GPR162: variants seen among roughly 807,000 people sequenced by gnomAD.
The protein encoded by GPR162 is G protein-coupled receptor 162.
In GPR162, 26 loss-of-function variants were observed where a neutral mutation model predicts 44.9. The observed-to-expected ratio is 0.58, with a 90% confidence interval of 0.42 to 0.80. The LOEUF is 0.80. Among genes scored for constraint, GPR162 ranks in the 30% least tolerant of loss-of-function variants. The probability of loss-of-function intolerance (pLI) is 0.00; values close to 1 mark genes in which losing one functional copy is unlikely to be tolerated. For synonymous variants in GPR162, 363 were observed against 335.2 expected (o/e 1.08, Z -0.91); for missense variants, 704 against 802.3 (o/e 0.88, Z 1.48).
Position 6,824,570 on chromosome 12 carries a change from G to GGGGGGGGGC in GPR162, c.672_673insGGGGGGGGC (p.Gly222_Gly224dup). ...CCCGGAGAGTGGGGGGTGGTGGGGG[G>GGGGGGGGGC]ACCAAAGCGGGTGGGCCAGGGGCCT... On this transcript the variant is annotated inframe_insertion, in exon 2 of 5. Coordinates refer to ENST00000311268, the MANE Select transcript of GPR162 (RefSeq NM_019858.2). 3.7e-6 allele frequency: 5 copies of GGGGGGGGGC among 1,337,658 alleles called. No individual in the cohort carries two copies. Among genetic ancestry groups the GGGGGGGGGC allele is most frequent in the Non-Finnish European group, 5.3e-6 (5 of 951,232 alleles). 82.9% of individuals were successfully genotyped at this position (1,337,658 alleles called of 1,614,324 possible). A position where few individuals can be genotyped will look rare whatever the true frequency, so the allele number is the denominator to read the frequency against.
chr12:6,823,683 G>A lies in GPR162; in HGVS notation c.-216G>A. 7.4e-7 allele frequency: 1 copy of A among 1,355,582 alleles called. No homozygotes were observed. The highest frequency in any genetic ancestry group is 1.0e-6 in the Non-Finnish European group (1 of 963,692). 84.0% of individuals were successfully genotyped at this position (1,355,582 alleles called of 1,614,324 possible). A position where few individuals can be genotyped will look rare whatever the true frequency, so the allele number is the denominator to read the frequency against. The stretch of plus-strand genomic sequence containing the variant: ...CCGCCCAGTATGAAAGCTGAGGATT[G>A]CCTCTGCTGACCCTCAGTCTCCTCC... On this transcript the variant is annotated 5_prime_UTR_variant, in exon 2 of 5. Coordinates refer to ENST00000311268, the MANE Select transcript of GPR162 (RefSeq NM_019858.2).
chr12:6,826,207 G>C lies in GPR162; in HGVS notation c.1069G>C (p.Asp357His). Residue 357 changes from aspartate to histidine, a missense_variant, in exon 4 of 5, where the codon GAC becomes CAC. Physicochemically the swap from Asp to His is moderately conservative, Grantham distance 81. Coordinates refer to ENST00000311268, the MANE Select transcript of GPR162 (RefSeq NM_019858.2). Reference protein sequence around the residue: ...EEDGDDDGGCDDYAEGRVCKV... With the variant: ...EEDGDDDGGCHDYAEGRVCKV... ...ATTTTCTCTCCTAGATGGGGGCTGT[G>C]ACGACTATGCAGAGGGCCGAGTTTG... is the stretch of plus-strand genomic sequence containing the variant. 6.2e-7 allele frequency: 1 copy of C among 1,613,748 alleles called. No individual in the cohort carries two copies. Among genetic ancestry groups the C allele is most frequent in the Non-Finnish European group, 8.5e-7 (1 of 1,179,800 alleles).
At chr12:6,826,568 C>T in intron 4 of GPR162, 85 bp from the exon 5 acceptor site, 1 of 1,283,826 alleles carries the variant, frequency 7.8e-7, no homozygotes, top group Non-Finnish European at 1.1e-6. Context: ...AAGAAGGTGG[C>T]ACCATCTTCC....
intron 1 of GPR162, among the ~76,000 whole-genome samples, chr12:6,823,246 G>A (rs1180494850): frequency 6.6e-6 from 1 of 152,200 alleles, no homozygotes; most frequent in Non-Finnish European, 1.5e-5. Context: ...ACAGGGAGGT[G>A]GGAATACCTT....
intron 3 of GPR162, 67 bp downstream of exon 3, chr12:6,825,740 TCAGC>T: frequency 7.2e-7 from 1 of 1,392,952 alleles, no homozygotes; most frequent in East Asian, 2.5e-5. Flanking sequence ...CCGCTCCTTC[TCAGC>T]CAGAGGATGG....
chr12:6,826,891 G>C lies in GPR162; in HGVS notation c.1454G>C (p.Ser485Thr). 2 of 1,613,590 alleles carry C rather than the reference G, an allele frequency of 1.2e-6. No individual in the cohort carries two copies. Among genetic ancestry groups the C allele is most frequent in the Non-Finnish European group, 1.7e-6 (2 of 1,179,948 alleles). ...GCCAGCCTTCGCCAATTCTTGGAGAGTGGGGTTCTGGGGTCAGGTGGGGGA... is the reference window on the plus strand; with the variant it reads ...GCCAGCCTTCGCCAATTCTTGGAGACTGGGGTTCTGGGGTCAGGTGGGGGA... ...GLASLRQFLE[S>T]GVLGSGGGPP... The change falls in exon 5 of 5, where the codon AGT (serine) becomes ACT (threonine). Residue 485 changes from serine to threonine, a missense_variant. Coordinates refer to ENST00000311268, the MANE Select transcript of GPR162 (RefSeq NM_019858.2).
chr12:6,827,393 T>A lies in GPR162; in HGVS notation c.*189T>A, dbSNP rs187314522. On this transcript the variant is annotated 3_prime_UTR_variant, in exon 5 of 5. Transcript: ENST00000311268. ...AGCTTCCATCACCCCTAGCAATATGTATTAAAGTCTGAAGTGTTGCCATGG... is the reference window on the plus strand; with the variant it reads ...AGCTTCCATCACCCCTAGCAATATGAATTAAAGTCTGAAGTGTTGCCATGG... 370 of 594,520 alleles carry A rather than the reference T, an allele frequency of 6.2e-4. 2 individuals are homozygous for A. The highest frequency in any genetic ancestry group is 1.8e-3 in the Middle Eastern group (4 of 2,232). 36.8% of individuals were successfully genotyped at this position (594,520 alleles called of 1,614,324 possible). A position where few individuals can be genotyped will look rare whatever the true frequency, so the allele number is the denominator to read the frequency against.
chr12:6,824,572 C>A lies in GPR162; in HGVS notation c.674C>A (p.Thr225Asn). Residue 225 changes from threonine to asparagine, a missense_variant, in exon 2 of 5, where the codon ACC (threonine) becomes AAC (asparagine). Transcript: ENST00000311268. Reference sequence around the variant, plus strand: ...CGGAGAGTGGGGGGTGGTGGGGGGACCAAAGCGGGTGGGCCAGGGGCCTTG... The same window carrying A: ...CGGAGAGTGGGGGGTGGTGGGGGGAACAAAGCGGGTGGGCCAGGGGCCTTG... ...QARRVGGGGG[T>N]KAGGPGALGT... 4 of 1,605,038 alleles carry A rather than the reference C, an allele frequency of 2.5e-6. No homozygotes were observed. Among genetic ancestry groups the A allele is most frequent in the Non-Finnish European group, 2.6e-6 (3 of 1,174,962 alleles).
In GPR162 at chr12:6,823,601, T is replaced by C. The variant is rs978366531; in HGVS notation, c.-298T>C. 5.8e-5 allele frequency: 34 copies of C among 584,922 alleles called. No individual in the cohort carries two copies. In the Middle Eastern group the frequency reaches 3.0e-3, roughly 51 times the overall value. The allele number at this position is 584,922 out of a possible 1,614,324, so 36.2% of individuals were successfully genotyped here. ...CAGAACCCCCCAGCCAGCCTCATAG[T>C]TGGGAAAGTAGCCAGCTTGCCTGCC... On this transcript the variant is annotated 5_prime_UTR_variant, in exon 2 of 5. Transcript: ENST00000311268.
rs948462075 is a variant in GPR162 at position 6,823,651 on chromosome 12, G to A, written c.-248G>A. 27 of 995,944 alleles carry A rather than the reference G, an allele frequency of 2.7e-5. No homozygotes were observed. Among genetic ancestry groups the A allele is most frequent in the Non-Finnish European group, 3.7e-5 (25 of 673,082 alleles). 61.7% of individuals were successfully genotyped at this position (995,944 alleles called of 1,614,324 possible). Reference sequence around the variant, plus strand: ...CCCATCAATTGCAGGGATGCTTAAGGAAGGCCCCGCCCAGTATGAAAGCTG... The same window carrying A: ...CCCATCAATTGCAGGGATGCTTAAGAAAGGCCCCGCCCAGTATGAAAGCTG... On this transcript the variant is annotated 5_prime_UTR_variant, in exon 2 of 5. Transcript: ENST00000311268.
rs1415111403 is a variant in GPR162 at position 6,826,082 on chromosome 12, G to T, written c.1058-114G>T. 3.9e-6 allele frequency: 3 copies of T among 779,154 alleles called. No homozygotes were observed. In the African/African-American group the frequency reaches 5.2e-5, roughly 13 times the overall value. 48.3% of individuals were successfully genotyped at this position (779,154 alleles called of 1,614,324 possible). A position where few individuals can be genotyped will look rare whatever the true frequency, so the allele number is the denominator to read the frequency against. On this transcript the variant is annotated intron_variant, in intron 3 of 4. Coordinates refer to ENST00000311268, the MANE Select transcript of GPR162 (RefSeq NM_019858.2). ...GCTAGCCACTCTCACTGTCCTCTTG[G>T]AACATACATGCTAATGGGAACTAAA...
Position 6,823,892 on chromosome 12 carries a change from G to A in GPR162, c.-7G>A, listed in dbSNP as rs868974455. On this transcript the variant is annotated 5_prime_UTR_variant, in exon 2 of 5. Transcript: ENST00000311268. The stretch of plus-strand genomic sequence containing the variant: ...AGAGCTCAAGGGGGTGGGGGGCTGA[G>A]GATAGGATGGCTCGGGGCGGGGCGG... 13 of 1,575,484 alleles carry A rather than the reference G, an allele frequency of 8.3e-6. No individual in the cohort carries two copies. The highest frequency in any genetic ancestry group is 1.1e-5 in the Non-Finnish European group (13 of 1,157,682).
Position 6,827,165 on chromosome 12 carries a change from G to A in GPR162, c.1728G>A (p.Trp576Ter). The change falls in exon 5 of 5, where the codon TGG becomes TGA. Residue 576 changes from tryptophan (W) to a stop codon, truncating the protein, a stop_gained. Coordinates refer to ENST00000311268, the MANE Select transcript of GPR162 (RefSeq NM_019858.2). LOFTEE classifies it high-confidence loss of function. The stretch of plus-strand genomic sequence containing the variant: ...GTGCAAGGGCTTGGGGAGGATCCTG[G>A]GGCCCAGGCAACCCCATCTTTCCCC... The part of the protein sequence containing the change: ...EESARAWGGS[W>*]GPGNPIFPQL... The A allele has an allele frequency of 6.2e-7, 1 of 1,612,348 alleles. No individual in the cohort carries two copies. The highest frequency in any genetic ancestry group is 8.5e-7 in the Non-Finnish European group (1 of 1,179,520).
At position 6,827,229 on chromosome 12, in the gene GPR162, G is replaced by C. The variant is rs782252239; in HGVS notation, c.*25G>C. 7 of 1,555,490 alleles carry C rather than the reference G, an allele frequency of 4.5e-6. No homozygotes were observed. Among genetic ancestry groups the C allele is most frequent in the South Asian group, 2.3e-5 (2 of 85,164 alleles). ...AGCCCAAGCAGGCCTGCTGAACTCAGAGGAGAAAGCCTGAGTGAGTAACAC... is the reference window on the plus strand; with the variant it reads ...AGCCCAAGCAGGCCTGCTGAACTCACAGGAGAAAGCCTGAGTGAGTAACAC... On this transcript the variant is annotated 3_prime_UTR_variant, in exon 5 of 5. Transcript: ENST00000311268.
At position 6,824,620 on chromosome 12, in the gene GPR162, T is replaced by TGCC; in HGVS notation, c.722_723insGCC (p.Pro242dup). The TGCC allele has an allele frequency of 6.2e-7, 1 of 1,612,800 alleles. No homozygotes were observed. The highest frequency in any genetic ancestry group is 8.5e-7 in the Non-Finnish European group (1 of 1,179,316). The stretch of plus-strand genomic sequence containing the variant: ...TTGGGTACCCGGCCAGCTTTTGAGG[T>TGCC]ACCAGCCATTGTGGTGGAGGATGCC... On this transcript the variant is annotated inframe_insertion, in exon 2 of 5. Coordinates refer to ENST00000311268, the MANE Select transcript of GPR162 (RefSeq NM_019858.2).
Position 6,823,842 on chromosome 12 carries a change from G to C in GPR162, c.-57G>C. On this transcript the variant is annotated 5_prime_UTR_variant, in exon 2 of 5. Coordinates refer to ENST00000311268, the MANE Select transcript of GPR162 (RefSeq NM_019858.2). The stretch of plus-strand genomic sequence containing the variant: ...GGAGTGTTTGTGAGTGGGGCTCCTG[G>C]GTGAGACCTAGCCCCCACCCCCACA... The C allele has an allele frequency of 6.3e-7, 1 of 1,593,398 alleles. No homozygotes were observed. Among genetic ancestry groups the C allele is most frequent in the Non-Finnish European group, 8.6e-7 (1 of 1,167,796 alleles).
chr12:6,826,635 A>G lies in GPR162; in HGVS notation c.1216-18A>G, dbSNP rs1216891148. ...TGTCCCTGCAGCACCTTCAGGTCTT[A>G]CCCGCTCCTCTTCCCAGGTCCCCCT... On this transcript the variant is annotated intron_variant, in intron 4 of 4. Coordinates refer to ENST00000311268, the MANE Select transcript of GPR162 (RefSeq NM_019858.2). 17 of 1,516,806 alleles carry G rather than the reference A, an allele frequency of 1.1e-5. No homozygotes were observed. The highest frequency in any genetic ancestry group is 1.3e-5 in the South Asian group (1 of 74,604). 94.0% of individuals were successfully genotyped at this position (1,516,806 alleles called of 1,614,324 possible).
At chr12:6,824,883 T>C in intron 2 of GPR162, 118 bp downstream of exon 2, 2 of 804,038 alleles carry the variant, frequency 2.5e-6, no homozygotes, top group Non-Finnish European at 4.2e-6. Flanking sequence ...AGTTCCATCA[T>C]CCATCTTCCT....
chr12:6,826,850 T>C lies in GPR162; in HGVS notation c.1413T>C (p.Ala471=), dbSNP rs1555120263. 4 of 1,612,350 alleles carry C rather than the reference T, an allele frequency of 2.5e-6. No homozygotes were observed. The highest frequency in any genetic ancestry group is 2.7e-5 in the African/African-American group (2 of 74,984). Residue 471 remains alanine, a synonymous_variant, in exon 5 of 5, where the codon GCT becomes GCC. Transcript: ENST00000311268. The part of the protein sequence containing the change: ...RLEDEEDEEE[A]EGGGLASLRQ... ...AGGACGAGGAGGACGAGGAAGAGGCTGAAGGTGGGGGGCTGGCCAGCCTTC... is the reference window on the plus strand; with the variant it reads ...AGGACGAGGAGGACGAGGAAGAGGCCGAAGGTGGGGGGCTGGCCAGCCTTC...
Sources: allele counts gnomAD v4.1 joint callset (sites outside exome capture counted in the v4.1 genomes callset), GRCh38; gene constraint gnomAD v4.1.1; transcripts MANE v1.5; gene names NCBI Gene and HGNC (gene_info 2026-07-23, HGNC 2026-07-21).